The following RBFOX1 variants were observed in gnomAD, a reference collection of about 807,000 sequenced individuals.
RBFOX1 encodes RNA binding fox-1 homolog 1.
In RBFOX1, 8 loss-of-function variants were observed where a neutral mutation model predicts 57.7. The observed-to-expected ratio is 0.14, with a 90% CI of 0.08 to 0.25. RBFOX1 has a LOEUF of 0.25. Among genes scored for constraint, RBFOX1 ranks in the 10% least tolerant of loss-of-function variants. The probability of loss-of-function intolerance (pLI) is 1.00; values close to 1 mark genes in which losing one functional copy is unlikely to be tolerated. For synonymous variants in RBFOX1, 326 were observed against 222.4 expected (o/e 1.47, Z -4.15); for missense variants, 611 against 548.5 (o/e 1.11, Z -1.14).
chr16:7,568,615 G>A (rs578256371), intron 5 of RBFOX1, among the ~76,000 whole-genome samples: 5 of 152,194 alleles, frequency 3.3e-5, no homozygotes, highest in African/African-American at 7.2e-5. Context: ...GCTGGGCGCG[G>A]TGGCTCATGC....
intron 2 of RBFOX1, among the ~76,000 whole-genome samples, chr16:6,526,423 C>G (rs1031294040): frequency 6.6e-6 from 1 of 152,170 alleles, no homozygotes; most frequent in African/African-American, 2.4e-5. Context: ...CAATTATAAG[C>G]ACCAGTCACA....
intron 13 of RBFOX1, among the ~76,000 whole-genome samples, chr16:7,668,896 T>C (rs1415089986): frequency 2.0e-5 from 3 of 152,136 alleles, no homozygotes; most frequent in Non-Finnish European, 4.4e-5. Flanking sequence ...CTCTCATACT[T>C]GGAAGTGAAG....
rs76012905 is a variant in RBFOX1, at chr16:7,029,268, G to A, written c.-15-22789G>A. Among the ~76,000 whole-genome samples the A allele has an allele frequency of 1.6e-4, 16 of 100,184 alleles. 1 individual carries two copies. In the South Asian group the frequency reaches 2.4e-3, roughly 15 times the overall value. The allele number at this position is 100,184 out of a possible 152,430, so 65.7% of individuals were successfully genotyped here. A position where few individuals can be genotyped will look rare whatever the true frequency, so the allele number is the denominator to read the frequency against. ...TATATATATACACACATATATATAC[G>A]TATACGTATATATATACACATATAT... On this transcript the variant is annotated intron_variant, in intron 3 of 15. Coordinates refer to ENST00000550418, the MANE Select transcript of RBFOX1 (RefSeq NM_018723.4).
At chr16:7,415,757 C>G (rs1268936459) in intron 4 of RBFOX1, among the ~76,000 whole-genome samples, 1 of 149,452 alleles carries the variant, frequency 6.7e-6, no homozygotes, top group East Asian at 2.0e-4. Context: ...CGTTAATTTT[C>G]CAGTGCAGGA....
At position 7,279,439 on chromosome 16, in the gene RBFOX1, G is replaced by A. The variant is rs550199357; in HGVS notation, c.27+227341G>A. Reference sequence around the variant, plus strand: ...AGGCTTTCTGTTACTCGTTTATTCAGCCGGCATTTACTGAGTCCTCACCAC... The same window carrying A: ...AGGCTTTCTGTTACTCGTTTATTCAACCGGCATTTACTGAGTCCTCACCAC... On this transcript the variant is annotated intron_variant, in intron 4 of 15. Transcript: ENST00000550418. Among the ~76,000 whole-genome samples the A allele has an allele frequency of 1.6e-4, 24 of 152,236 alleles. No individual in the cohort carries two copies. In the South Asian group the frequency reaches 4.8e-3, roughly 30 times the overall value.
At chr16:6,209,654 C>T (rs921470280) in intron 1 of RBFOX1, among the ~76,000 whole-genome samples, 10 of 152,194 alleles carry the variant, frequency 6.6e-5, no homozygotes, top group African/African-American at 1.2e-4. Context: ...CTCCTGAGAC[C>T]TTCTGAATAG....
At chr16:7,491,741 C>T (rs894887845) in intron 4 of RBFOX1, among the ~76,000 whole-genome samples, 2 of 152,158 alleles carry the variant, frequency 1.3e-5, no homozygotes, top group African/African-American at 4.8e-5. Flanking sequence ...AGCAATCCTC[C>T]TGCTTCAGCC....
chr16:6,601,549 T>C (rs2097853220), intron 2 of RBFOX1, among the ~76,000 whole-genome samples: 1 of 152,166 alleles, frequency 6.6e-6, no homozygotes, highest in Non-Finnish European at 1.5e-5. Context: ...GCAAGCACCC[T>C]ATGCTTGGAG....
intron 7 of RBFOX1, among the ~76,000 whole-genome samples, chr16:7,591,776 C>T (rs372456367): frequency 2.0e-5 from 3 of 152,316 alleles, no homozygotes; most frequent in African/African-American, 7.2e-5. Flanking sequence ...TCAGAATGTG[C>T]TTGTTTTGTT....
chr16:5,381,437 T>A (rs1487285788), intron 1 of RBFOX1, among the ~76,000 whole-genome samples: 1 of 152,244 alleles, frequency 6.6e-6, no homozygotes, highest in Non-Finnish European at 1.5e-5. Flanking sequence ...CTGGCTCACG[T>A]GCAGATTTGC....
intron 3 of RBFOX1, among the ~76,000 whole-genome samples, chr16:6,661,613 T>A (rs2098702063): frequency 6.6e-6 from 1 of 151,966 alleles, no homozygotes; most frequent in Non-Finnish European, 1.5e-5. Context: ...AGCAGGGGAA[T>A]AAGAACTGGG....
intron 3 of RBFOX1, among the ~76,000 whole-genome samples, chr16:5,760,163 G>T (rs535590631): frequency 6.6e-6 from 1 of 152,114 alleles, no homozygotes; most frequent in African/African-American, 2.4e-5. Context: ...AGGTTGTCCA[G>T]ATTTGCCCGG....
intron 3 of RBFOX1, among the ~76,000 whole-genome samples, chr16:6,774,940 G>C (rs8062934): frequency 0.76 from 114,796 of 151,914 alleles, 44,559 homozygotes; most frequent in African/African-American, 0.93. Flanking sequence ...GACAGTATAC[G>C]TCTATAGGCC....
chr16:5,957,752 C>T (rs897686677), intron 4 of RBFOX1, among the ~76,000 whole-genome samples: 1 of 152,022 alleles, frequency 6.6e-6, no homozygotes, highest in African/African-American at 2.4e-5. Flanking sequence ...TGCAATGTAC[C>T]ACAGTCACAT....
At chr16:7,207,122 C>A (rs535933810) in intron 4 of RBFOX1, among the ~76,000 whole-genome samples, 2 of 152,192 alleles carry the variant, frequency 1.3e-5, no homozygotes, top group Non-Finnish European at 2.9e-5. Context: ...CCCCATCCAT[C>A]TTCATGGCAT....
intron 1 of RBFOX1, among the ~76,000 whole-genome samples, chr16:6,233,735 A>T (rs1406594165): frequency 6.6e-6 from 1 of 151,796 alleles, no homozygotes; most frequent in Non-Finnish European, 1.5e-5. Context: ...CAGCCTCCCA[A>T]AGTGCTGGGA....
intron 3 of RBFOX1, among the ~76,000 whole-genome samples, chr16:6,742,992 T>A (rs1337121858): frequency 1.3e-5 from 2 of 152,186 alleles, no homozygotes; most frequent in Admixed American, 6.5e-5. Context: ...TATAGTACAA[T>A]ATGATATTAT....
chr16:5,405,430 G>T (rs1182614488), intron 1 of RBFOX1, among the ~76,000 whole-genome samples: 1 of 152,198 alleles, frequency 6.6e-6, no homozygotes, highest in Non-Finnish European at 1.5e-5. Flanking sequence ...CTATTGCCAT[G>T]TAAGATGTGC....
chr16:7,572,880 A>T (rs11647114), intron 5 of RBFOX1, among the ~76,000 whole-genome samples: 1 of 151,780 alleles, frequency 6.6e-6, no homozygotes, highest in East Asian at 1.9e-4. Flanking sequence ...ACCAGCCCCA[A>T]ATGTCAATGG....
Sources: gnomAD v4.1 joint callset for allele counts (sites outside exome capture counted in the v4.1 genomes callset) on GRCh38, gnomAD v4.1.1 for gene constraint, MANE v1.5 for transcripts, NCBI Gene and HGNC (gene_info 2026-07-23, HGNC 2026-07-21) for gene names.